DPP6: variants seen among roughly 807,000 people sequenced by gnomAD.
DPP6 encodes the protein dipeptidyl peptidase like 6.
In DPP6, 69 loss-of-function variants were observed where a neutral mutation model predicts 122.6. The ratio of observed to expected loss-of-function variants is 0.56; its 90% CI spans 0.46 to 0.69. The LOEUF (loss-of-function observed/expected upper bound fraction) is 0.69, where lower values mean the gene tolerates loss of function less well. Ranked by LOEUF, DPP6 falls within the 30% of genes least tolerant of loss-of-function variation. The pLI, the probability that DPP6 is intolerant of heterozygous loss-of-function variation, is 0.00. For synonymous variants in DPP6, 418 were observed against 433.1 expected, an observed-to-expected ratio of 0.97 and a Z score of 0.43; for missense variants, 928 against 1,116.9, an observed-to-expected ratio of 0.83 and a Z score of 2.41.
the DPP6 span, among the ~76,000 whole-genome samples, chr7:153,810,500 G>A: frequency 2.6e-5 from 4 of 152,032 alleles, no homozygotes; most frequent in Admixed American, 2.6e-4. Flanking sequence ...AGTCAAATAT[G>A]TATGTTACTA....
Position 154,316,237 on chromosome 7 carries a change from CT to C in DPP6, c.244-129976del, listed in dbSNP as rs1321475327. Reference sequence around the variant, plus strand: ...TCCTTTCCCAACACTCCACCCTCACCTGTCCTACCCAAAAACATTTCTCTGC... The same window carrying C: ...TCCTTTCCCAACACTCCACCCTCACCGTCCTACCCAAAAACATTTCTCTGC... On this transcript the variant is annotated intron_variant, in intron 1 of 25. Transcript: ENST00000377770. Among the ~76,000 whole-genome samples, 3 of 152,298 alleles carry C rather than the reference CT, an allele frequency of 2.0e-5. No homozygotes were observed. In the South Asian group the frequency reaches 6.2e-4, roughly 32 times the overall value.
At chr7:154,326,882 C>T (rs1461525209) in intron 1 of DPP6, among the ~76,000 whole-genome samples, 2 of 152,042 alleles carry the variant, frequency 1.3e-5, no homozygotes, top group African/African-American at 4.8e-5. Flanking sequence ...TGATTTCCTA[C>T]AAGGAAGGAA....
intron 16 of DPP6, among the ~76,000 whole-genome samples, chr7:154,808,009 A>G (rs1023151571): frequency 2.3e-4 from 35 of 152,236 alleles, no homozygotes; most frequent in Non-Finnish European, 2.8e-4. Context: ...GCTTGTCTGT[A>G]TCTTGGAAAG....
the DPP6 span, among the ~76,000 whole-genome samples, chr7:153,801,240 A>G: frequency 2.1e-5 from 3 of 145,016 alleles, no homozygotes. Flanking sequence ...CAGTTTTCAC[A>G]GTTTCAACAC....
intron 1 of DPP6, among the ~76,000 whole-genome samples, chr7:154,108,769 C>G (rs553994135): frequency 6.6e-6 from 1 of 152,328 alleles, no homozygotes; most frequent in East Asian, 1.9e-4. Context: ...TGGGGAGCCA[C>G]TGGGGCGGAC....
chr7:154,535,666 AG>A (rs1484442349), intron 3 of DPP6, among the ~76,000 whole-genome samples: 1 of 151,334 alleles, frequency 6.6e-6, no homozygotes, highest in Non-Finnish European at 1.5e-5. Flanking sequence ...GAATGCTTAA[AG>A]GACTCAGTAA....
chr7:154,627,226 C>T (rs1301206662), intron 5 of DPP6, among the ~76,000 whole-genome samples: 12 of 133,570 alleles, frequency 9.0e-5, no homozygotes, highest in Non-Finnish European at 1.7e-4. Context: ...GAGTCTCGCT[C>T]GCTCTGTCGC....
chr7:154,346,354 G>A (rs563050216), intron 1 of DPP6, among the ~76,000 whole-genome samples: 2 of 152,072 alleles, frequency 1.3e-5, no homozygotes, highest in East Asian at 3.9e-4. Context: ...CCAGGCTGGA[G>A]TGCAATGAAT....
At chr7:154,872,809 A>C (rs1432712322) in intron 19 of DPP6, 116 bp downstream of exon 19, 2 of 1,520,484 alleles carry the variant, frequency 1.3e-6, no homozygotes, top group Non-Finnish European at 1.8e-6. Flanking sequence ...ACATTGTTGC[A>C]AACTGAAAAC....
At chr7:153,972,168 G>A (rs991778446) in intron 1 of DPP6, among the ~76,000 whole-genome samples, 20 of 151,276 alleles carry the variant, frequency 1.3e-4, no homozygotes, top group African/African-American at 3.4e-4. Flanking sequence ...TGAAGGAAGC[G>A]TGCATGAGAG....
intron 7 of DPP6, among the ~76,000 whole-genome samples, chr7:154,696,870 C>T (rs772390362): frequency 1.2e-4 from 19 of 152,138 alleles, no homozygotes; most frequent in Non-Finnish European, 2.5e-4. Context: ...CTCGGGGGGC[C>T]GGTCACAGAG....
chr7:154,475,235 G>A (rs1822628443), intron 3 of DPP6, 198 bp downstream of exon 3: 5 of 556,740 alleles, frequency 9.0e-6, no homozygotes, highest in Admixed American at 4.9e-5. Context: ...TTTTGTAATG[G>A]TGTTGCCTCC....
At chr7:154,251,233 T>A (rs1351538149) in intron 1 of DPP6, among the ~76,000 whole-genome samples, 1 of 152,180 alleles carries the variant, frequency 6.6e-6, no homozygotes, top group Non-Finnish European at 1.5e-5. Context: ...AACATTAGGA[T>A]GTTTCACGGG....
At chr7:154,446,497 T>C (rs1402658926) in intron 2 of DPP6, among the ~76,000 whole-genome samples, 169 bp downstream of exon 2, 1 of 152,262 alleles carries the variant, frequency 6.6e-6, no homozygotes, top group Non-Finnish European at 1.5e-5. Flanking sequence ...AAATTCATTT[T>C]ATATGTTTTG....
At chr7:154,361,737 A>G (rs1811743106) in intron 1 of DPP6, among the ~76,000 whole-genome samples, 1 of 152,222 alleles carries the variant, frequency 6.6e-6, no homozygotes, top group African/African-American at 2.4e-5. Flanking sequence ...ATTGCCCATC[A>G]TTGGTAAGCC....
chr7:154,333,303 C>T (rs1057126960), intron 1 of DPP6, among the ~76,000 whole-genome samples: 1 of 151,768 alleles, frequency 6.6e-6, no homozygotes, highest in Non-Finnish European at 1.5e-5. Context: ...GATTTCCAGG[C>T]AGTCTTTAAT....
chr7:154,153,683 A>C (rs1310665433), intron 1 of DPP6, among the ~76,000 whole-genome samples: 14 of 152,246 alleles, frequency 9.2e-5, no homozygotes, highest in Non-Finnish European at 1.5e-4. Context: ...ATCAAGGGTC[A>C]AATAGTAAAT....
At chr7:153,988,654 T>A in intron 1 of DPP6, among the ~76,000 whole-genome samples, 1 of 151,968 alleles carries the variant, frequency 6.6e-6, no homozygotes, top group Non-Finnish European at 1.5e-5. Flanking sequence ...GAGAAAGGGG[T>A]GCTCCAAGCG....
the DPP6 span, among the ~76,000 whole-genome samples, chr7:153,832,739 G>A: frequency 3.1e-5 from 3 of 97,988 alleles, no homozygotes. Context: ...GATGTCCTAT[G>A]TTTAGCAGTG....
Sources: allele counts gnomAD v4.1 joint callset (sites outside exome capture counted in the v4.1 genomes callset), GRCh38; gene constraint gnomAD v4.1.1; transcripts MANE v1.5; gene names NCBI Gene and HGNC (gene_info 2026-07-23, HGNC 2026-07-21).